FARP2: variants seen among roughly 807,000 people sequenced by gnomAD.
FARP2 encodes the protein FERM, ARH/RhoGEF and pleckstrin domain protein 2.
Under a neutral mutation model 130.5 loss-of-function variants are expected in FARP2, and 111 were observed. That is an observed-to-expected ratio of 0.85 (90% CI 0.73 to 1.00). The LOEUF is 1.00. FARP2 is among the 50% of genes least tolerant of loss of function. The pLI is 0.00. For synonymous variants in FARP2, 504 were observed against 516.9 expected (o/e 0.98, Z 0.34); for missense variants, 1,385 against 1,346.3 (o/e 1.03, Z -0.45).
rs1318425042 is a variant in FARP2, at chr2:241,482,852, G to A, written c.2263-613G>A. On this transcript the variant is annotated intron_variant, in intron 19 of 26. Coordinates refer to ENST00000264042, the MANE Select transcript of FARP2 (RefSeq NM_014808.4). This position sits in a 1 kb window ranked among gnomAD's most constrained non-coding sequence, Gnocchi z 4.6. ...ACTCTCGCTTACCCTATCTGCGCAG[G>A]TGTCTGATACTGGCAGGATTCTTTT... Among the ~76,000 whole-genome samples, 1 of 152,188 alleles carries A rather than the reference G, an allele frequency of 6.6e-6. No individual in the cohort carries two copies. Among genetic ancestry groups the A allele is most frequent in the Non-Finnish European group, 1.5e-5 (1 of 68,040 alleles).
chr2:241,454,411 G>A (rs1173208483), intron 13 of FARP2, among the ~76,000 whole-genome samples: 1 of 152,194 alleles, frequency 6.6e-6, no homozygotes, highest in Non-Finnish European at 1.5e-5. Context: ...GAGCAACACA[G>A]TTGTGAAGAG....
intron 8 of FARP2, among the ~76,000 whole-genome samples, chr2:241,425,635 A>T (rs2062916344): frequency 1.5e-5 from 1 of 66,422 alleles, no homozygotes; most frequent in Non-Finnish European, 3.2e-5. Flanking sequence ...CCTACCAAGT[A>T]AAAAAAAAAA....
chr2:241,387,795 A>T (rs2061822422), intron 2 of FARP2, among the ~76,000 whole-genome samples: 1 of 151,502 alleles, frequency 6.6e-6, no homozygotes, highest in Non-Finnish European at 1.5e-5. Flanking sequence ...TGTCTCAAAA[A>T]AAAAAAAAAA....
chr2:241,468,594 T>C (rs2064234158), intron 18 of FARP2, among the ~76,000 whole-genome samples: 1 of 152,264 alleles, frequency 6.6e-6, no homozygotes, highest in Non-Finnish European at 1.5e-5. Flanking sequence ...GGTCTCTGTC[T>C]ATTCTGCTCC....
chr2:241,463,453 A>G lies in FARP2; in HGVS notation c.1796A>G (p.Gln599Arg). 6.2e-7 allele frequency: 1 copy of G among 1,613,824 alleles called. No individual in the cohort carries two copies. The change falls in exon 16 of 27, where the codon CAG becomes CGG. Residue 599 changes from glutamine (Q) to arginine (R), a missense_variant. Coordinates refer to ENST00000264042, the MANE Select transcript of FARP2 (RefSeq NM_014808.4). The stretch of plus-strand genomic sequence containing the variant: ...AGAGGCTTCCTGCGCGAGGTGGAGC[A>G]GAGGCTGGCACTCTGGTAACACCCC... Reference protein sequence around the residue: ...FHRGFLREVEQRLALWEGPSK... With the variant: ...FHRGFLREVERRLALWEGPSK...
chr2:241,374,520 A>G (rs1575467993), intron 2 of FARP2, among the ~76,000 whole-genome samples: 1 of 152,268 alleles, frequency 6.6e-6, no homozygotes, highest in East Asian at 1.9e-4. Flanking sequence ...CCACACAGAA[A>G]ACAAAACTAT....
intron 21 of FARP2, among the ~76,000 whole-genome samples, chr2:241,484,945 T>A (rs2064714797): frequency 2.0e-5 from 3 of 152,152 alleles, no homozygotes. Context: ...GCCATAAGGA[T>A]GTGCCATTCG....
At chr2:241,397,100 C>T (rs1334664986) in intron 2 of FARP2, among the ~76,000 whole-genome samples, 3 of 152,038 alleles carry the variant, frequency 2.0e-5, no homozygotes, top group Non-Finnish European at 4.4e-5. Flanking sequence ...AACCAAACAC[C>T]GCATGTTCTC....
At chr2:241,406,746 G>C (rs1173326580) in intron 4 of FARP2, among the ~76,000 whole-genome samples, 1 of 151,904 alleles carries the variant, frequency 6.6e-6, no homozygotes, top group Non-Finnish European at 1.5e-5. Flanking sequence ...TTACAGATGT[G>C]AGCCACTGCA....
intron 2 of FARP2, among the ~76,000 whole-genome samples, chr2:241,394,532 AAAG>A (rs938067649): frequency 3.3e-5 from 5 of 152,018 alleles, no homozygotes; most frequent in African/African-American, 9.6e-5. Context: ...AAAAAAAAAA[AAAG>A]ACATGTGACT....
chr2:241,425,029 G>T (rs1326510309), intron 8 of FARP2, among the ~76,000 whole-genome samples: 1 of 152,060 alleles, frequency 6.6e-6, no homozygotes, highest in Non-Finnish European at 1.5e-5. Context: ...GGCCAACATG[G>T]TAAAACCCTG....
intron 8 of FARP2, among the ~76,000 whole-genome samples, chr2:241,422,402 C>CA (rs200942678): frequency 0.052 from 7,102 of 136,134 alleles, 508 homozygotes; most frequent in Admixed American, 0.22. Context: ...GACCCTGTAT[C>CA]AAAAAAAAAA....
intron 4 of FARP2, among the ~76,000 whole-genome samples, chr2:241,406,393 G>GTA (rs1351686917): frequency 6.8e-6 from 1 of 146,620 alleles, no homozygotes; most frequent in African/African-American, 2.6e-5. Flanking sequence ...GTATGTGTGG[G>GTA]TATATATATG....
At chr2:241,427,869 G>A (rs895992399) in intron 8 of FARP2, among the ~76,000 whole-genome samples, 8 of 152,254 alleles carry the variant, frequency 5.3e-5, no homozygotes, top group Non-Finnish European at 1.2e-4. Context: ...AGCTTCAAGC[G>A]ATTCTCCTGC....
In FARP2 at chr2:241,459,299, G is replaced by A. The variant is rs566514782; in HGVS notation, c.1587+2377G>A. 6.6e-5 allele frequency among the ~76,000 whole-genome samples: 10 copies of A among 152,220 alleles called. No individual in the cohort carries two copies. Among genetic ancestry groups the A allele is most frequent in the Non-Finnish European group, 1.2e-4 (8 of 68,036 alleles). On this transcript the variant is annotated intron_variant, in intron 14 of 26. Transcript: ENST00000264042. The surrounding 1 kb of genome is among the most constrained non-coding windows in gnomAD (Gnocchi z 5.3). ...AGACCCCGGCCCCACATTCACTGACGGTTCTGCTGGCAAGGCCTGGCAGAC... is the reference window on the plus strand; with the variant it reads ...AGACCCCGGCCCCACATTCACTGACAGTTCTGCTGGCAAGGCCTGGCAGAC...
chr2:241,401,780 T>C (rs1051406287), intron 2 of FARP2, among the ~76,000 whole-genome samples: 4 of 150,878 alleles, frequency 2.7e-5, no homozygotes, highest in Non-Finnish European at 5.9e-5. Flanking sequence ...CATTATTTAT[T>C]TTACCAATTC....
intron 2 of FARP2, among the ~76,000 whole-genome samples, chr2:241,375,848 C>T (rs1173906677): frequency 6.6e-6 from 1 of 152,076 alleles, no homozygotes; most frequent in African/African-American, 2.4e-5. Context: ...CTGCCTCAGC[C>T]TCCCAAGTAG....
At chr2:241,486,461 C>CAA (rs56961097) in intron 21 of FARP2, among the ~76,000 whole-genome samples, 9 of 50,012 alleles carry the variant, frequency 1.8e-4, no homozygotes, top group African/African-American at 3.5e-4. Flanking sequence ...GACCTCGTCT[C>CAA]AAAAAAAAAA....
chr2:241,429,443 G>T lies in FARP2; in HGVS notation c.772-2236G>T, dbSNP rs116252684. ...ATGGGATTGTGCAGTGCTTCCCCAG[G>T]ATCAGACCCTGGGCTCACTGCCTAG... On this transcript the variant is annotated intron_variant, in intron 8 of 26. Transcript: ENST00000264042. 5.0e-3 allele frequency among the ~76,000 whole-genome samples: 766 copies of T among 152,292 alleles called. 3 individuals are homozygous for T. The highest frequency in any genetic ancestry group is 8.1e-3 in the Non-Finnish European group (551 of 68,024).
Sources: gnomAD v4.1 joint callset for allele counts (sites outside exome capture counted in the v4.1 genomes callset) on GRCh38, gnomAD v4.1.1 for gene constraint, Gnocchi (gnomAD v3.1) non-coding constraint, MANE v1.5 for transcripts, NCBI Gene and HGNC (gene_info 2026-07-23, HGNC 2026-07-21) for gene names.